The following ALKBH4 variants were observed in gnomAD, a reference collection of about 807,000 sequenced individuals.
ALKBH4 encodes alpha-ketoglutarate-dependent dioxygenase alkB homolog 4.
In ALKBH4, 8 loss-of-function variants were observed where a neutral mutation model predicts 12.1. That is an observed-to-expected ratio of 0.66 (90% CI 0.39 to 1.19). ALKBH4 has a LOEUF of 1.19. Ranked by LOEUF, ALKBH4 falls within the 50% of genes most tolerant of loss-of-function variation. The probability of loss-of-function intolerance (pLI) is 0.01; values close to 1 mark genes in which losing one functional copy is unlikely to be tolerated. For missense variants in ALKBH4, 403 were observed against 430.4 expected, an observed-to-expected ratio of 0.94 and a Z score of 0.56; for synonymous variants, 195 against 191.6, an observed-to-expected ratio of 1.02 and a Z score of -0.15.
At chr7:102,458,025 G>C (rs753696840) in intron 2 of ALKBH4, 44 bp from the exon 3 acceptor site, 41 of 1,530,612 alleles carry the variant, frequency 2.7e-5, no homozygotes, top group Admixed American at 5.6e-5. Context: ...CTGAGTTTAC[G>C]AAGATGTCTA....
At chr7:102,460,614 C>A (rs748534298) in intron 1 of ALKBH4, among the ~76,000 whole-genome samples, 5 of 152,202 alleles carry the variant, frequency 3.3e-5, no homozygotes, top group Non-Finnish European at 7.3e-5. Flanking sequence ...CTCCATTTTA[C>A]AAAGGAGGCT....
At chr7:102,464,045 C>G (rs537183877) in intron 1 of ALKBH4, among the ~76,000 whole-genome samples, 42 of 152,120 alleles carry the variant, frequency 2.8e-4, no homozygotes, top group South Asian at 1.7e-3. Context: ...ACCTCCCCCC[C>G]CCCACAACCT....
chr7:102,460,424 C>T (rs1319735924), intron 1 of ALKBH4, among the ~76,000 whole-genome samples: 1 of 151,898 alleles, frequency 6.6e-6, no homozygotes, highest in African/African-American at 2.4e-5. Context: ...ATGGCTCATT[C>T]CTCCCCTCAG....
Position 102,457,382 on chromosome 7 carries a change from C to A in ALKBH4, c.*12G>T. On this transcript the variant is annotated 3_prime_UTR_variant, in exon 3 of 3. Coordinates refer to ENST00000292566, the MANE Select transcript of ALKBH4 (RefSeq NM_017621.4). This position sits in a 1 kb window ranked among gnomAD's most constrained non-coding sequence, Gnocchi z 5.9. Reference sequence around the variant, plus strand: ...TCCCGGGATCAGTCAAGTCTGGAGCCAAGGAGGCGGTTCACACGGGTCTTC... The same window carrying A: ...TCCCGGGATCAGTCAAGTCTGGAGCAAAGGAGGCGGTTCACACGGGTCTTC... 3.1e-6 allele frequency: 5 copies of A among 1,599,664 alleles called. No individual in the cohort carries two copies. The highest frequency in any genetic ancestry group is 4.3e-6 in the Non-Finnish European group (5 of 1,170,044).
chr7:102,459,907 A>G, intron 1 of ALKBH4, 106 bp from the exon 2 acceptor site: 1 of 1,092,086 alleles, frequency 9.2e-7, no homozygotes, highest in East Asian at 2.7e-5. Flanking sequence ...TAATTCCAGC[A>G]CTTTGGGAGG....
At chr7:102,463,848 G>A (rs944595591) in intron 1 of ALKBH4, among the ~76,000 whole-genome samples, 8 of 152,152 alleles carry the variant, frequency 5.3e-5, no homozygotes, top group African/African-American at 1.9e-4. Flanking sequence ...TTTTACCATG[G>A]ACGTTGGGGC....
At chr7:102,460,252 G>A (rs1406222996) in intron 1 of ALKBH4, among the ~76,000 whole-genome samples, 2 of 151,218 alleles carry the variant, frequency 1.3e-5, no homozygotes, top group Non-Finnish European at 2.9e-5. Flanking sequence ...TTGAGCCCAG[G>A]AGGTTGAGGC....
Position 102,457,739 on chromosome 7 carries a change from G to A in ALKBH4, c.564C>T (p.Pro188=), listed in dbSNP as rs922049562. Residue 188 remains proline, a synonymous_variant, in exon 3 of 3, where the codon CCC becomes CCT. Transcript: ENST00000292566. The surrounding 1 kb of genome is among the most constrained non-coding windows in gnomAD (Gnocchi z 5.9). The part of the protein sequence containing the change: ...ERLVSLNLLS[P]TVLSMCREAP... ...CCTCCCGACACATGGACAGCACGGTGGGGGACAGGAGGTTGAGGCTGACCA... is the reference window on the plus strand; with the variant it reads ...CCTCCCGACACATGGACAGCACGGTAGGGGACAGGAGGTTGAGGCTGACCA... 1.9e-6 allele frequency: 3 copies of A among 1,577,424 alleles called. No homozygotes were observed. Among genetic ancestry groups the A allele is most frequent in the Non-Finnish European group, 2.6e-6 (3 of 1,164,628 alleles).
Position 102,459,805 on chromosome 7 carries a change from C to A in ALKBH4, c.124-4G>T. On this transcript the variant is annotated splice_region_variant and splice_polypyrimidine_tract_variant and intron_variant, in intron 1 of 2. Coordinates refer to ENST00000292566, the MANE Select transcript of ALKBH4 (RefSeq NM_017621.4). The stretch of plus-strand genomic sequence containing the variant: ...AGTAAATGAAACGGTATGTTTTCTG[C>A]AAAAGAAACACAAGTCCACAGGCTG... 6.3e-7 allele frequency: 1 copy of A among 1,585,444 alleles called. No individual in the cohort carries two copies. The highest frequency in any genetic ancestry group is 1.1e-5 in the South Asian group (1 of 87,158).
rs1350673918 is a variant in ALKBH4, at chr7:102,464,745, C to T, written c.92G>A (p.Gly31Asp). 2 of 1,568,332 alleles carry T rather than the reference C, an allele frequency of 1.3e-6. No homozygotes were observed. Among genetic ancestry groups the T allele is most frequent in the Non-Finnish European group, 1.7e-6 (2 of 1,160,408 alleles). ...GGGCAGCTCCCAGGGCGGGTCACTG[C>T]CGCGCTGCCGCTCGCAGATCAGACA... ...RTCLICERQR[G>D]SDPPWELPPA... is the part of the protein sequence containing the mutation. Residue 31 changes from glycine (G) to aspartate (D), a missense_variant, in exon 1 of 3, where the codon GGC becomes GAC. By Grantham distance (94) the Gly-to-Asp change is moderately conservative. Coordinates refer to ENST00000292566, the MANE Select transcript of ALKBH4 (RefSeq NM_017621.4).
chr7:102,461,647 A>G (rs1039744049), intron 1 of ALKBH4, among the ~76,000 whole-genome samples: 5 of 152,148 alleles, frequency 3.3e-5, no homozygotes, highest in Non-Finnish European at 7.3e-5. Flanking sequence ...ACAGGCGTGA[A>G]CCACCATGCC....
At chr7:102,459,220 G>T (rs953169348) in intron 2 of ALKBH4, among the ~76,000 whole-genome samples, 2 of 152,028 alleles carry the variant, frequency 1.3e-5, no homozygotes, top group Admixed American at 6.6e-5. Context: ...GGTGGGGAAG[G>T]AGTTGGAGGG....
chr7:102,461,843 C>T (rs935061918), intron 1 of ALKBH4, among the ~76,000 whole-genome samples: 8 of 152,232 alleles, frequency 5.3e-5, no homozygotes, highest in Admixed American at 2.0e-4. Context: ...GTGAGGACTT[C>T]GGAGGCCACC....
At chr7:102,464,693 G>A (rs753367679) in intron 1 of ALKBH4, 21 bp downstream of exon 1, 9 of 1,499,270 alleles carry the variant, frequency 6.0e-6, no homozygotes, top group Non-Finnish European at 8.0e-6. Flanking sequence ...TTGTGGGCGC[G>A]GCCCCTCTCC....
intron 1 of ALKBH4, among the ~76,000 whole-genome samples, chr7:102,463,852 T>C (rs28538953): frequency 0.013 from 1,994 of 152,348 alleles, 34 homozygotes; most frequent in African/African-American, 0.043. Flanking sequence ...ACCATGGACG[T>C]TGGGGCAGTC....
intron 1 of ALKBH4, among the ~76,000 whole-genome samples, chr7:102,461,817 T>C (rs979062664): frequency 2.0e-5 from 3 of 152,344 alleles, no homozygotes; most frequent in Non-Finnish European, 4.4e-5. Flanking sequence ...GTGGAGGTTC[T>C]GGCCGGAGTC....
In ALKBH4 at chr7:102,459,794, T is replaced by C. The variant is rs1480156543; in HGVS notation, c.131A>G (p.Tyr44Cys). 1 of 1,597,354 alleles carries C rather than the reference T, an allele frequency of 6.3e-7. No homozygotes were observed. The highest frequency in any genetic ancestry group is 8.5e-7 in the Non-Finnish European group (1 of 1,171,910). Residue 44 changes from tyrosine (Y) to cysteine (C), a missense_variant, in exon 2 of 3, where the codon TAC (tyrosine) becomes TGC (cysteine). Coordinates refer to ENST00000292566, the MANE Select transcript of ALKBH4 (RefSeq NM_017621.4). ...PPWELPPAKT[Y>C]RFIYCSDTGW... ...GGTGTCGGAGCAGTAAATGAAACGG[T>C]ATGTTTTCTGCAAAAGAAACACAAG...
chr7:102,461,194 G>A (rs981679288), intron 1 of ALKBH4, among the ~76,000 whole-genome samples: 10 of 151,926 alleles, frequency 6.6e-5, no homozygotes, highest in Non-Finnish European at 1.2e-4. Context: ...AAAACTAGCC[G>A]GGCGTCGTGG....
At chr7:102,461,466 T>C (rs777809900) in intron 1 of ALKBH4, among the ~76,000 whole-genome samples, 14 of 152,062 alleles carry the variant, frequency 9.2e-5, no homozygotes, top group Non-Finnish European at 1.9e-4. Context: ...GTTCAAGCGA[T>C]TCTCCTGCCT....
Sources: gnomAD v4.1 joint callset for allele counts (sites outside exome capture counted in the v4.1 genomes callset) on GRCh38, gnomAD v4.1.1 for gene constraint, Gnocchi (gnomAD v3.1) non-coding constraint, MANE v1.5 for transcripts, NCBI Gene and HGNC (gene_info 2026-07-23, HGNC 2026-07-21) for gene names.